The following BAZ2B variants were observed in gnomAD, a reference collection of about 807,000 sequenced individuals.
BAZ2B encodes the protein bromodomain adjacent to zinc finger domain 2B, also known as bromodomain adjacent to zinc finger domain protein 2B.
In BAZ2B, 91 loss-of-function variants were observed where a neutral mutation model predicts 246.0. The ratio of observed to expected loss-of-function variants is 0.37; its 90% CI spans 0.31 to 0.44. The LOEUF is 0.44. Ranked by LOEUF, BAZ2B falls within the 20% of genes least tolerant of loss-of-function variation. The probability of loss-of-function intolerance (pLI) is 1.00; values close to 1 mark genes in which losing one functional copy is unlikely to be tolerated. For missense variants in BAZ2B, 2,332 were observed against 2,533.7 expected, an observed-to-expected ratio of 0.92 and a Z score of 1.71; for synonymous variants, 855 against 860.0, an observed-to-expected ratio of 0.99 and a Z score of 0.10.
At chr2:159,315,665 A>C (rs545081618), downstream of BAZ2B, among the ~76,000 whole-genome samples, 2 of 152,348 alleles carry the variant, frequency 1.3e-5, no homozygotes, top group South Asian at 4.1e-4. Context: ...CAAAGCTATC[A>C]CTATGCCATA....
chr2:159,530,966 A>AAAC (rs55762446), intron 2 of BAZ2B, among the ~76,000 whole-genome samples: 1 of 151,692 alleles, frequency 6.6e-6, no homozygotes, highest in Non-Finnish European at 1.5e-5. Flanking sequence ...ACTCCGTCTC[A>AAAC]AAACAAACAA....
In BAZ2B at chr2:159,430,960, T is replaced by G; in HGVS notation, c.2097A>C (p.Lys699Asn). ...HSTPRNLHIA[K>N]APGSAPAALC... ...AGGCAGCAGGAGCAGAGCCTGGGGC[T>G]TTTGCTATGTGGAGGTTACGAGGTG... The change falls in exon 10 of 37, where the codon AAA becomes AAC. Residue 699 changes from lysine to asparagine, a missense_variant. Around this residue, in one of 9 missense-constraint regions of BAZ2B, gnomAD observed 651 missense variants for 650.9 expected, o/e 1.00. Coordinates refer to ENST00000392783, the MANE Select transcript of BAZ2B (RefSeq NM_013450.4). 6.2e-7 allele frequency: 1 copy of G among 1,613,986 alleles called. No individual in the cohort carries two copies. Among genetic ancestry groups the G allele is most frequent in the Non-Finnish European group, 8.5e-7 (1 of 1,179,890 alleles).
At chr2:159,394,349 A>G (rs2063723446) in intron 20 of BAZ2B, among the ~76,000 whole-genome samples, 2 of 152,082 alleles carry the variant, frequency 1.3e-5, no homozygotes, top group African/African-American at 2.4e-5. Context: ...AGCCATGCCA[A>G]TTCCTGGAAT....
chr2:159,544,279 A>C (rs533181290), intron 2 of BAZ2B, among the ~76,000 whole-genome samples: 6 of 152,170 alleles, frequency 3.9e-5, no homozygotes, highest in Non-Finnish European at 7.4e-5. Flanking sequence ...AGTTAAGAGG[A>C]TTAATTTACT....
At chr2:159,401,698 T>C (rs1199987056) in intron 16 of BAZ2B, among the ~76,000 whole-genome samples, 1 of 152,206 alleles carries the variant, frequency 6.6e-6, no homozygotes, top group Non-Finnish European at 1.5e-5. Flanking sequence ...GGATATGTTT[T>C]ATAACTTAGT....
intron 27 of BAZ2B, among the ~76,000 whole-genome samples, chr2:159,360,407 G>C (rs60029579): frequency 0.049 from 7,427 of 152,166 alleles, 346 homozygotes; most frequent in African/African-American, 0.12. Flanking sequence ...GGGATGTGAA[G>C]GACCTCTTCA....
intron 13 of BAZ2B, among the ~76,000 whole-genome samples, chr2:159,424,188 A>T (rs911263630): frequency 6.6e-6 from 1 of 152,186 alleles, no homozygotes; most frequent in Non-Finnish European, 1.5e-5. Flanking sequence ...CAACAAAGAA[A>T]TTCTTAAACA....
intron 2 of BAZ2B, among the ~76,000 whole-genome samples, chr2:159,491,788 A>T (rs1170434150): frequency 6.6e-6 from 1 of 150,628 alleles, no homozygotes; most frequent in Non-Finnish European, 1.5e-5. Context: ...CTCTAAACTG[A>T]TATTCAAATT....
intron 1 of BAZ2B, among the ~76,000 whole-genome samples, chr2:159,597,441 C>T (rs563224035): frequency 8.5e-5 from 13 of 152,244 alleles, no homozygotes; most frequent in African/African-American, 3.1e-4. Flanking sequence ...ACTTTCTGTG[C>T]TTATGTTGAG....
intron 2 of BAZ2B, among the ~76,000 whole-genome samples, chr2:159,488,125 G>C (rs573012697): frequency 2.0e-5 from 3 of 152,036 alleles, no homozygotes; most frequent in Non-Finnish European, 4.4e-5. Context: ...TCAGGCTGGA[G>C]TATAGCAGTG....
intron 2 of BAZ2B, among the ~76,000 whole-genome samples, chr2:159,554,498 A>G (rs2088797675): frequency 6.6e-6 from 1 of 152,100 alleles, no homozygotes; most frequent in South Asian, 2.1e-4. Context: ...AAAATATGCT[A>G]TAAGCATTAG....
intron 16 of BAZ2B, 100 bp downstream of exon 16, chr2:159,404,749 G>C (rs2065630519): frequency 9.8e-7 from 1 of 1,023,924 alleles, no homozygotes; most frequent in South Asian, 1.7e-5. Context: ...ATATTAATGT[G>C]AAATATAGTT....
the BAZ2B span, among the ~76,000 whole-genome samples, chr2:159,646,338 G>A: frequency 6.6e-6 from 1 of 152,114 alleles, no homozygotes; most frequent in Non-Finnish European, 1.5e-5. Flanking sequence ...CCTGAACATT[G>A]CTGTTATCCT....
chr2:159,706,084 A>ACACACACACACACACAC, the BAZ2B span, among the ~76,000 whole-genome samples: 5 of 149,660 alleles, frequency 3.3e-5, no homozygotes, highest in Non-Finnish European at 1.5e-5. Context: ...AAACATATAT[A>ACACACACACACACACAC]ACACACACAC....
intron 27 of BAZ2B, among the ~76,000 whole-genome samples, chr2:159,371,053 C>T (rs996313739): frequency 3.3e-5 from 5 of 152,148 alleles, no homozygotes; most frequent in African/African-American, 1.2e-4. Flanking sequence ...GGTAATCTGC[C>T]CGCGTTGACC....
intron 3 of BAZ2B, among the ~76,000 whole-genome samples, chr2:159,475,684 G>T (rs756740058): frequency 1.3e-5 from 2 of 152,154 alleles, no homozygotes; most frequent in African/African-American, 2.4e-5. Context: ...CCTCATCTTT[G>T]TGGATTTATC....
rs1456452470 is a variant in BAZ2B at position 159,352,903 on chromosome 2, G to C, written c.4214-2546C>G. Among the ~76,000 whole-genome samples, 6 of 152,232 alleles carry C rather than the reference G, an allele frequency of 3.9e-5. No individual in the cohort carries two copies. The East Asian group carries it at 1.2e-3, about 29-fold the overall frequency. The stretch of plus-strand genomic sequence containing the variant: ...ACCTGTAGTCCCAGCTACTTGGGAG[G>C]CTGAGGTGGAAGGATCGCTTGAGCC... On this transcript the variant is annotated intron_variant, in intron 27 of 36. Transcript: ENST00000392783.
intron 3 of BAZ2B, among the ~76,000 whole-genome samples, chr2:159,466,550 T>C (rs372128976): frequency 1.3e-5 from 2 of 152,236 alleles, no homozygotes; most frequent in East Asian, 1.9e-4. Context: ...GAGGAAATTA[T>C]AGCTGCAGCA....
At chr2:159,513,214 C>T (rs982459224) in intron 2 of BAZ2B, among the ~76,000 whole-genome samples, 2 of 152,150 alleles carry the variant, frequency 1.3e-5, no homozygotes, top group Non-Finnish European at 2.9e-5. Context: ...AACTTGACTA[C>T]CCAGAATAAT....
Sources: gnomAD v4.1 joint callset for allele counts (sites outside exome capture counted in the v4.1 genomes callset) on GRCh38, gnomAD v4.1.1 for gene constraint, gnomAD v4.1.1 regional missense constraint, MANE v1.5 for transcripts, NCBI Gene and HGNC (gene_info 2026-07-23, HGNC 2026-07-21) for gene names.